The following SHE variants were observed in gnomAD, a reference collection of about 807,000 sequenced individuals.
SHE encodes SH2 domain-containing adapter protein E.
SHE carries 11 observed loss-of-function variants against 49.8 expected under a neutral mutation model. The observed-to-expected ratio is 0.22, with a 90% CI of 0.14 to 0.37. The LOEUF (loss-of-function observed/expected upper bound fraction) is 0.37. SHE is among the 10% of genes least tolerant of loss of function. The probability of loss-of-function intolerance (pLI) is 1.00; values close to 1 mark genes in which losing one functional copy is unlikely to be tolerated. For synonymous variants in SHE, 310 were observed against 278.1 expected, an observed-to-expected ratio of 1.11 and a Z score of -1.14; for missense variants, 624 against 655.5, an observed-to-expected ratio of 0.95 and a Z score of 0.52.
chr1:154,480,929 G>C lies in SHE; in HGVS notation c.*3220C>G. On this transcript the variant is annotated 3_prime_UTR_variant, in exon 6 of 6. Transcript: ENST00000304760. ...CAAGCAAGTATTTTTTTTAAAGAAGGTGTGATCAAGAAGAACACTGACACA... is the reference window on the plus strand; with the variant it reads ...CAAGCAAGTATTTTTTTTAAAGAAGCTGTGATCAAGAAGAACACTGACACA... 1 of 985,344 alleles carries C rather than the reference G, an allele frequency of 1.0e-6. No individual in the cohort carries two copies. Among genetic ancestry groups the C allele is most frequent in the Non-Finnish European group, 1.2e-6 (1 of 829,916 alleles). 61.0% of individuals were successfully genotyped at this position (985,344 alleles called of 1,614,324 possible).
chr1:154,497,350 C>T (rs1352622829), intron 2 of SHE, among the ~76,000 whole-genome samples: 1 of 152,262 alleles, frequency 6.6e-6, no homozygotes, highest in Admixed American at 6.5e-5. Flanking sequence ...ACCAGTTACT[C>T]TTCCCAGGCA....
downstream of SHE, among the ~76,000 whole-genome samples, chr1:154,477,275 T>C (rs1484649141): frequency 6.6e-6 from 1 of 152,244 alleles, no homozygotes; most frequent in Non-Finnish European, 1.5e-5. Context: ...GAATGTCCAG[T>C]CTGCTAGATG....
At chr1:154,500,739 AGT>A (rs1161924161) in intron 1 of SHE, among the ~76,000 whole-genome samples, 2 of 152,180 alleles carry the variant, frequency 1.3e-5, no homozygotes. Context: ...GAAAACCTCC[AGT>A]GTGTCCGTCG....
chr1:154,489,031 G>A lies in SHE; in HGVS notation c.1024+20C>T, dbSNP rs1692275373. The A allele has an allele frequency of 1.3e-6, 2 of 1,537,402 alleles. No homozygotes were observed. The highest frequency in any genetic ancestry group is 1.4e-5 in the African/African-American group (1 of 72,770). Reference sequence around the variant, plus strand: ...GAAGACTGAAGTCACACTGGGGCGGGCCTGGCCTGGCGCCCTCACCTGACA... The same window carrying A: ...GAAGACTGAAGTCACACTGGGGCGGACCTGGCCTGGCGCCCTCACCTGACA... On this transcript the variant is annotated intron_variant, in intron 3 of 5. Coordinates refer to ENST00000304760, the MANE Select transcript of SHE (RefSeq NM_001010846.3).
Position 154,501,812 on chromosome 1 carries a change from C to A in SHE, c.215G>T (p.Gly72Val). Residue 72 changes from glycine (G) to valine (V), a missense_variant, in exon 1 of 6, where the codon GGC becomes GTC. Coordinates refer to ENST00000304760, the MANE Select transcript of SHE (RefSeq NM_001010846.3). The part of the protein sequence containing the change: ...GGKLRKNSEA[G>V]GAGPGPGKGR... ...CTTGCCAGGACCCGGCCCAGCGCCG[C>A]CCGCCTCCGAGTTCTTGCGCAATTT... is the stretch of plus-strand genomic sequence containing the variant. 1 of 1,551,594 alleles carries A rather than the reference C, an allele frequency of 6.4e-7. No individual in the cohort carries two copies. The highest frequency in any genetic ancestry group is 2.4e-5 in the East Asian group (1 of 41,400).
At chr1:154,497,490 TTTTA>T (rs1692568295) in intron 2 of SHE, among the ~76,000 whole-genome samples, 2 of 152,244 alleles carry the variant, frequency 1.3e-5, no homozygotes, top group South Asian at 4.1e-4. Context: ...TCTATATTAT[TTTTA>T]TTTAAGTATC....
In SHE at chr1:154,483,191, G is replaced by A. The variant is rs1692068652; in HGVS notation, c.*958C>T. 1 of 985,128 alleles carries A rather than the reference G, an allele frequency of 1.0e-6. No individual in the cohort carries two copies. The highest frequency in any genetic ancestry group is 6.2e-5 in the Admixed American group (1 of 16,244). The allele number at this position is 985,128 out of a possible 1,614,324, so 61.0% of individuals were successfully genotyped here. ...CTGGGGTATCTTCCTTCCTATTTAT[G>A]CTTATCTCACTGATTTGCTAAAAAA... On this transcript the variant is annotated 3_prime_UTR_variant, in exon 6 of 6. Coordinates refer to ENST00000304760, the MANE Select transcript of SHE (RefSeq NM_001010846.3).
chr1:154,486,728 C>A (rs372923253), intron 3 of SHE, 45 bp from the exon 4 acceptor site: 1 of 1,597,174 alleles, frequency 6.3e-7, no homozygotes, highest in African/African-American at 1.3e-5. Flanking sequence ...CTGCGGTGAC[C>A]CATGTAAACT....
At chr1:154,500,089 T>C (rs1206760899) in intron 1 of SHE, among the ~76,000 whole-genome samples, 1 of 151,984 alleles carries the variant, frequency 6.6e-6, no homozygotes, top group Non-Finnish European at 1.5e-5. Flanking sequence ...TTCAGATACA[T>C]GAGGAGAAGC....
chr1:154,493,611 A>G (rs1692436511), intron 2 of SHE, among the ~76,000 whole-genome samples: 1 of 152,222 alleles, frequency 6.6e-6, no homozygotes, highest in South Asian at 2.1e-4. Context: ...GGTGTGAAAC[A>G]TTATAGGGGC....
In SHE at chr1:154,480,427, A is replaced by G; in HGVS notation, c.*3722T>C. On this transcript the variant is annotated 3_prime_UTR_variant, in exon 6 of 6. Transcript: ENST00000304760. ...GAATGCCTCACAGTTATTCTTCTGA[A>G]TATCAAGATGCATCCAGTAACAACA... 4 of 985,436 alleles carry G rather than the reference A, an allele frequency of 4.1e-6. No homozygotes were observed. Among genetic ancestry groups the G allele is most frequent in the Non-Finnish European group, 4.8e-6 (4 of 829,934 alleles). 61.0% of individuals were successfully genotyped at this position (985,436 alleles called of 1,614,324 possible).
downstream of SHE, chr1:154,479,393 A>T (rs1691961448): frequency 7.0e-6 from 4 of 575,254 alleles, no homozygotes; most frequent in Non-Finnish European, 8.8e-6. Context: ...ACTGCAAATG[A>T]AACTCTGCTG....
downstream of SHE, among the ~76,000 whole-genome samples, chr1:154,474,988 T>TA (rs1249888394): frequency 1.3e-5 from 2 of 152,178 alleles, no homozygotes; most frequent in Non-Finnish European, 2.9e-5. Context: ...GAGTTGGCAG[T>TA]ATGCCTGGTC....
Position 154,481,750 on chromosome 1 carries a change from G to A in SHE, c.*2399C>T, listed in dbSNP as rs970352052. The A allele has an allele frequency of 9.3e-6, 9 of 964,158 alleles. No homozygotes were observed. The highest frequency in any genetic ancestry group is 1.1e-5 in the Non-Finnish European group (9 of 810,688). The allele number at this position is 964,158 out of a possible 1,614,324, so 59.7% of individuals were successfully genotyped here. On this transcript the variant is annotated 3_prime_UTR_variant, in exon 6 of 6. Coordinates refer to ENST00000304760, the MANE Select transcript of SHE (RefSeq NM_001010846.3). ...AATAAATATTTGTTGAATGGATGCT[G>A]AAAAAACCTTTTAAAATCTTACACT...
chr1:154,470,846 A>C (rs1398474202), intron 1 of SHE, among the ~76,000 whole-genome samples: 1 of 151,830 alleles, frequency 6.6e-6, no homozygotes, highest in African/African-American at 2.4e-5. Context: ...TCTCAAAAAT[A>C]AAAAATAAAA....
chr1:154,495,013 C>T (rs1212081518), intron 2 of SHE, among the ~76,000 whole-genome samples: 1 of 152,258 alleles, frequency 6.6e-6, no homozygotes, highest in African/African-American at 2.4e-5. Context: ...GATTGCACCA[C>T]TGCACTCCAG....
At position 154,501,638 on chromosome 1, in the gene SHE, G is replaced by T. The variant is rs1290554172; in HGVS notation, c.389C>A (p.Pro130His). The T allele has an allele frequency of 6.2e-7, 1 of 1,614,130 alleles. No homozygotes were observed. The highest frequency in any genetic ancestry group is 1.3e-5 in the African/African-American group (1 of 75,052). ...RKNSRATEEE[P>H]HRGATKSSGC... The stretch of plus-strand genomic sequence containing the variant: ...CGAGCTCTTGGTTGCACCCCGGTGG[G>T]GCTCCTCCTCCGTGGCCCGGGAGTT... Residue 130 changes from proline (P) to histidine (H), a missense_variant, in exon 1 of 6, where the codon CCC (proline) becomes CAC (histidine). Pro to His is a moderately conservative substitution (Grantham distance 77). This residue lies in a region of SHE where 337 missense variants were observed against 306.0 expected (regional missense o/e 1.10). Transcript: ENST00000304760.
intron 2 of SHE, among the ~76,000 whole-genome samples, chr1:154,492,940 T>C (rs986731801): frequency 7.9e-5 from 12 of 152,152 alleles, no homozygotes; most frequent in Admixed American, 2.0e-4. Context: ...TTCAATACAT[T>C]TGGATTAAAA....
In SHE at chr1:154,480,875, A is replaced by C. The variant is rs1389079888; in HGVS notation, c.*3274T>G. 1.0e-6 allele frequency: 1 copy of C among 985,312 alleles called. No homozygotes were observed. The highest frequency in any genetic ancestry group is 1.2e-6 in the Non-Finnish European group (1 of 829,948). The allele number at this position is 985,312 out of a possible 1,614,324, so 61.0% of individuals were successfully genotyped here. ...TACTCTCTCTTCTTATAGGCCTGAA[A>C]CTAACCAACTGAACTTGTCCAGTCA... On this transcript the variant is annotated 3_prime_UTR_variant, in exon 6 of 6. Coordinates refer to ENST00000304760, the MANE Select transcript of SHE (RefSeq NM_001010846.3).
Sources: gnomAD v4.1 joint callset for allele counts (sites outside exome capture counted in the v4.1 genomes callset) on GRCh38, gnomAD v4.1.1 for gene constraint, gnomAD v4.1.1 regional missense constraint, MANE v1.5 for transcripts, NCBI Gene and HGNC (gene_info 2026-07-23, HGNC 2026-07-21) for gene names.